Variants in SGK3 observed in about 807,000 individuals in gnomAD.
SGK3 encodes the protein serine/threonine-protein kinase Sgk3.
SGK3 carries 47 observed loss-of-function variants against 68.5 expected under a neutral mutation model. The observed-to-expected ratio is 0.69, with a 90% confidence interval of 0.54 to 0.87. The LOEUF is 0.87. SGK3 is among the 40% of genes least tolerant of loss of function. The pLI is 0.00. For synonymous variants in SGK3, 181 were observed against 189.1 expected (o/e 0.96, Z 0.35); for missense variants, 479 against 575.5 (o/e 0.83, Z 1.72).
intron 3 of SGK3, among the ~76,000 whole-genome samples, chr8:66,800,766 A>G (rs1291109090): frequency 3.9e-5 from 6 of 152,228 alleles, no homozygotes; most frequent in African/African-American, 1.4e-4. Flanking sequence ...CAATTTAAAA[A>G]TATTTATTTT....
At chr8:66,721,894 A>G (rs1412838631) in intron 1 of SGK3, among the ~76,000 whole-genome samples, 3 of 152,198 alleles carry the variant, frequency 2.0e-5, no homozygotes, top group African/African-American at 7.2e-5. Context: ...TAAGTTAAAG[A>G]CTAAGAAGGG....
At chr8:66,814,662 A>G (rs1423427559) in intron 5 of SGK3, among the ~76,000 whole-genome samples, 2 of 152,184 alleles carry the variant, frequency 1.3e-5, no homozygotes, top group African/African-American at 4.8e-5. Flanking sequence ...TGAGGCCTCC[A>G]GTCTTTCTCA....
chr8:66,815,857 T>G (rs1808552619), intron 5 of SGK3, among the ~76,000 whole-genome samples: 1 of 152,210 alleles, frequency 6.6e-6, no homozygotes, highest in African/African-American at 2.4e-5. Context: ...ATTGCCAGTT[T>G]CCAAAATCTT....
intron 14 of SGK3, among the ~76,000 whole-genome samples, chr8:66,845,398 CA>C (rs147371399): frequency 1.4e-5 from 2 of 143,306 alleles, no homozygotes; most frequent in Non-Finnish European, 3.0e-5. Flanking sequence ...GACTCCGTCT[CA>C]AAAAAAAACA....
intron 1 of SGK3, among the ~76,000 whole-genome samples, chr8:66,780,069 G>A (rs1460399582): frequency 6.6e-6 from 1 of 152,114 alleles, no homozygotes; most frequent in Non-Finnish European, 1.5e-5. Context: ...TATACTCCCA[G>A]CACATGGTAA....
intron 6 of SGK3, among the ~76,000 whole-genome samples, chr8:66,822,852 C>T (rs1006542630): frequency 2.6e-5 from 4 of 152,068 alleles, no homozygotes; most frequent in Non-Finnish European, 4.4e-5. Context: ...AACTCCTGAC[C>T]TCAAATGATC....
At chr8:66,779,788 AAGT>A (rs1482598739) in intron 1 of SGK3, among the ~76,000 whole-genome samples, 3 of 150,986 alleles carry the variant, frequency 2.0e-5, no homozygotes, top group African/African-American at 4.9e-5. Context: ...ATTTGAAATT[AAGT>A]AGTATAATTT....
At chr8:66,738,494 T>G (rs1406787715) in intron 1 of SGK3, among the ~76,000 whole-genome samples, 2 of 152,212 alleles carry the variant, frequency 1.3e-5, no homozygotes, top group Non-Finnish European at 2.9e-5. Flanking sequence ...TGACTTCTGC[T>G]TATCTACTGG....
At chr8:66,772,345 C>T (rs1806537519) in intron 1 of SGK3, among the ~76,000 whole-genome samples, 1 of 150,894 alleles carries the variant, frequency 6.6e-6, no homozygotes, top group East Asian at 2.0e-4. Flanking sequence ...GTCTTAGCCT[C>T]CCAAAATGCT....
intron 1 of SGK3, among the ~76,000 whole-genome samples, chr8:66,742,970 C>G (rs1000868516): frequency 1.3e-5 from 2 of 152,208 alleles, no homozygotes; most frequent in African/African-American, 4.8e-5. Flanking sequence ...TACTTACCTT[C>G]CTTTCACCTG....
chr8:66,730,353 T>A (rs1805113958), intron 1 of SGK3, among the ~76,000 whole-genome samples: 1 of 152,176 alleles, frequency 6.6e-6, no homozygotes, highest in South Asian at 2.1e-4. Context: ...TGAATATATG[T>A]CCCTTATGAG....
rs944533372 is a variant in SGK3 at position 66,861,867 on chromosome 8, A to G, written c.*2286A>G. 2.6e-5 allele frequency: 4 copies of G among 152,194 alleles called. No individual in the cohort carries two copies. The highest frequency in any genetic ancestry group is 4.8e-5 in the African/African-American group (2 of 41,464). The allele number at this position is 152,194 out of a possible 1,614,324, so 9.4% of individuals were successfully genotyped here. On this transcript the variant is annotated 3_prime_UTR_variant, in exon 17 of 17. Transcript: ENST00000521198. ...CAAAATAAAAATTCTAGTTTCTTGT[A>G]TGATTTTTTGTACTCATTCATTCCT... is the stretch of plus-strand genomic sequence containing the variant.
At chr8:66,818,719 T>G (rs1305108652) in intron 5 of SGK3, among the ~76,000 whole-genome samples, 1 of 152,246 alleles carries the variant, frequency 6.6e-6, no homozygotes, top group African/African-American at 2.4e-5. Context: ...GTGAGAGTCA[T>G]CCATGTTGTC....
chr8:66,835,885 C>T, intron 9 of SGK3, 39 bp downstream of exon 9: 2 of 1,608,702 alleles, frequency 1.2e-6, no homozygotes, highest in Non-Finnish European at 1.7e-6. Flanking sequence ...CCCATTTTCT[C>T]AATTAAGAGA....
chr8:66,767,742 A>G, intron 1 of SGK3: 2 of 1,561,570 alleles, frequency 1.3e-6, no homozygotes, highest in Non-Finnish European at 8.8e-7. Flanking sequence ...TTTTGGCAGA[A>G]AAGCTTGGCT....
chr8:66,809,670 AAG>A (rs1808302427), intron 4 of SGK3, among the ~76,000 whole-genome samples: 1 of 152,254 alleles, frequency 6.6e-6, no homozygotes, highest in Admixed American at 6.5e-5. Context: ...ATTTGTACCA[AAG>A]AGATAATGTT....
chr8:66,854,912 G>A (rs1810445464), intron 16 of SGK3, among the ~76,000 whole-genome samples: 1 of 152,040 alleles, frequency 6.6e-6, no homozygotes, highest in South Asian at 2.1e-4. Context: ...ACTTTGGGAG[G>A]CTGAGGCAGG....
At chr8:66,730,740 C>T (rs568359286) in intron 1 of SGK3, among the ~76,000 whole-genome samples, 60 of 152,138 alleles carry the variant, frequency 3.9e-4, no homozygotes, top group African/African-American at 1.3e-3. Context: ...TGCAGTGGTG[C>T]GGTCTCAGCT....
At chr8:66,726,801 TAA>T (rs560794837) in intron 1 of SGK3, among the ~76,000 whole-genome samples, 71 of 80,944 alleles carry the variant, frequency 8.8e-4, no homozygotes, top group Admixed American at 1.3e-3. Context: ...ACCCTGTCTG[TAA>T]AAAAAAAAAA....
Sources: allele counts gnomAD v4.1 joint callset (sites outside exome capture counted in the v4.1 genomes callset), GRCh38; gene constraint gnomAD v4.1.1; transcripts MANE v1.5; gene names NCBI Gene and HGNC (gene_info 2026-07-23, HGNC 2026-07-21).